Variants in SEMA6D observed in about 807,000 individuals in gnomAD.
SEMA6D encodes semaphorin-6D.
Under a neutral mutation model 106.6 loss-of-function variants are expected in SEMA6D, and 35 were observed. The ratio of observed to expected loss-of-function variants is 0.33; its 90% CI spans 0.25 to 0.44. The LOEUF is 0.44. SEMA6D is among the 20% of genes least tolerant of loss of function. The pLI is 1.00. For missense variants in SEMA6D, 1,185 were observed against 1,345.9 expected (o/e 0.88, Z 1.87); for synonymous variants, 499 against 487.7 (o/e 1.02, Z -0.31).
intron 1 of SEMA6D, among the ~76,000 whole-genome samples, chr15:47,201,077 G>A (rs1006351185): frequency 2.0e-5 from 3 of 152,128 alleles, no homozygotes; most frequent in African/African-American, 4.8e-5. Flanking sequence ...CTTATTCATC[G>A]ATTTAGTAGA....
intron 4 of SEMA6D, among the ~76,000 whole-genome samples, chr15:47,692,473 G>C (rs564090654): frequency 1.3e-5 from 2 of 152,042 alleles, no homozygotes; most frequent in Non-Finnish European, 2.9e-5. Flanking sequence ...AATTTGCTCT[G>C]CTTAAAAAAT....
At position 47,263,326 on chromosome 15, in the gene SEMA6D, A is replaced by G. The variant is rs561853424; in HGVS notation, c.-239+78908A>G. Among the ~76,000 whole-genome samples, 4 of 152,292 alleles carry G rather than the reference A, an allele frequency of 2.6e-5. No homozygotes were observed. The South Asian group carries it at 8.3e-4, about 32-fold the overall frequency. On this transcript the variant is annotated intron_variant, in intron 1 of 19. Coordinates refer to the SEMA6D transcript ENST00000558014. The stretch of plus-strand genomic sequence containing the variant: ...GACAAAGGTCTAATATCCTGCATCT[A>G]TAAGGAATTTAAACAAATTTACAAG...
At chr15:47,566,920 G>C (rs1449824717) in intron 3 of SEMA6D, among the ~76,000 whole-genome samples, 1 of 152,216 alleles carries the variant, frequency 6.6e-6, no homozygotes, top group Non-Finnish European at 1.5e-5. Flanking sequence ...AAACAAGAGG[G>C]TGTTACAGAG....
chr15:47,360,989 AG>A (rs2038783654), intron 1 of SEMA6D, among the ~76,000 whole-genome samples: 5 of 152,382 alleles, frequency 3.3e-5, no homozygotes, highest in Admixed American at 1.3e-4. Context: ...AGAAGCAGGC[AG>A]AACTCTGCAG....
chr15:47,611,899 A>T (rs2076913459), intron 4 of SEMA6D, among the ~76,000 whole-genome samples: 1 of 152,236 alleles, frequency 6.6e-6, no homozygotes, highest in African/African-American at 2.4e-5. Context: ...TGGAAAATAC[A>T]TGTAAGAACT....
intron 3 of SEMA6D, among the ~76,000 whole-genome samples, chr15:47,543,224 GAAT>G (rs1265046185): frequency 6.6e-6 from 1 of 152,092 alleles, no homozygotes; most frequent in Non-Finnish European, 1.5e-5. Context: ...AGGAATCCTG[GAAT>G]AGGAGTGATA....
chr15:47,699,003 AAAGAG>A (rs2145880926), intron 4 of SEMA6D, among the ~76,000 whole-genome samples: 1 of 152,324 alleles, frequency 6.6e-6, no homozygotes, highest in Non-Finnish European at 1.5e-5. Context: ...AGAGGCAGGC[AAAGAG>A]AAGTGACTGA....
At chr15:47,481,569 A>T (rs1048533804) in intron 3 of SEMA6D, among the ~76,000 whole-genome samples, 2 of 152,154 alleles carry the variant, frequency 1.3e-5, no homozygotes, top group Non-Finnish European at 2.9e-5. Flanking sequence ...GGTCACAACC[A>T]TTGCAATTTC....
chr15:47,382,824 G>A (rs1473441460), intron 1 of SEMA6D, among the ~76,000 whole-genome samples: 1 of 152,214 alleles, frequency 6.6e-6, no homozygotes, highest in African/African-American at 2.4e-5. Context: ...CTGAAGTGCA[G>A]TGGCATGATC....
At position 47,610,971 on chromosome 15, in the gene SEMA6D, CAT is replaced by C. The variant is rs1396746126; in HGVS notation, c.-55+10078_-55+10079del. Among the ~76,000 whole-genome samples, 12 of 152,276 alleles carry C rather than the reference CAT, an allele frequency of 7.9e-5. No homozygotes were observed. In the South Asian group the frequency reaches 2.3e-3, roughly 29 times the overall value. On this transcript the variant is annotated intron_variant, in intron 4 of 19. Coordinates refer to the SEMA6D transcript ENST00000558014. ...TTAAAACAGCTAGATATGCTCAGAG[CAT>C]ATGTCTTTACATGGCAAATGGCACA...
chr15:47,491,543 T>G (rs1691778976), intron 3 of SEMA6D, among the ~76,000 whole-genome samples: 1 of 152,166 alleles, frequency 6.6e-6, no homozygotes, highest in Non-Finnish European at 1.5e-5. Flanking sequence ...AGTAGAGATA[T>G]TGCTTACTTC....
intron 4 of SEMA6D, among the ~76,000 whole-genome samples, chr15:47,687,229 A>G (rs1480765653): frequency 6.6e-6 from 1 of 152,176 alleles, no homozygotes; most frequent in African/African-American, 2.4e-5. Context: ...CCTCTGTGAT[A>G]TGCCTGCCAC....
chr15:47,210,791 C>T (rs1381646106), intron 1 of SEMA6D, among the ~76,000 whole-genome samples: 1 of 148,294 alleles, frequency 6.7e-6, no homozygotes, highest in South Asian at 2.1e-4. Context: ...AAAAAAAATC[C>T]AGCCATTGGC....
rs565209324 is a variant in SEMA6D, at chr15:47,440,516, C to T, written c.-159+28044C>T. ...GTTGTTAGCTGGAAAGGAACAGAGCCCTGGGGAAAGAACACAAGACCCCCA... is the reference window on the plus strand; with the variant it reads ...GTTGTTAGCTGGAAAGGAACAGAGCTCTGGGGAAAGAACACAAGACCCCCA... On this transcript the variant is annotated intron_variant, in intron 2 of 19. Coordinates refer to the SEMA6D transcript ENST00000558014. Among the ~76,000 whole-genome samples the T allele has an allele frequency of 1.2e-3, 178 of 151,874 alleles. No homozygotes were observed. The Middle Eastern group carries it at 0.017, about 15-fold the overall frequency.
chr15:47,249,287 C>A (rs1403975693), intron 1 of SEMA6D, among the ~76,000 whole-genome samples: 1 of 151,990 alleles, frequency 6.6e-6, no homozygotes, highest in Non-Finnish European at 1.5e-5. Context: ...TGCTCTAGGA[C>A]CTTATAGTTG....
chr15:47,680,611 C>T (rs2078333120), intron 4 of SEMA6D, among the ~76,000 whole-genome samples: 3 of 152,106 alleles, frequency 2.0e-5, no homozygotes, highest in Non-Finnish European at 2.9e-5. Flanking sequence ...CAACATAGAG[C>T]TTTGCCTATT....
intron 1 of SEMA6D, among the ~76,000 whole-genome samples, chr15:47,277,833 A>T (rs111485765): frequency 2.0e-5 from 3 of 147,522 alleles, no homozygotes; most frequent in Non-Finnish European, 4.5e-5. Flanking sequence ...TCATTGTTCA[A>T]TTCCCACCTA....
intron 4 of SEMA6D, among the ~76,000 whole-genome samples, chr15:47,614,352 AC>A (rs1452986634): frequency 3.5e-4 from 54 of 152,208 alleles, no homozygotes; most frequent in African/African-American, 1.2e-3. Flanking sequence ...GCAATACATA[AC>A]CATTCAGATG....
intron 1 of SEMA6D, among the ~76,000 whole-genome samples, chr15:47,195,450 A>G (rs1894274982): frequency 6.6e-6 from 1 of 152,214 alleles, no homozygotes; most frequent in Non-Finnish European, 1.5e-5. Flanking sequence ...TTTGACATAT[A>G]TAATTTTCTA....
Sources: gnomAD v4.1 joint callset for allele counts (sites outside exome capture counted in the v4.1 genomes callset) on GRCh38, gnomAD v4.1.1 for gene constraint, MANE v1.5 for transcripts, NCBI Gene and HGNC (gene_info 2026-07-23, HGNC 2026-07-21) for gene names.